The following GTF2IRD2 variants were observed in gnomAD, a reference collection of about 807,000 sequenced individuals.
GTF2IRD2 encodes GTF2I repeat domain containing 2, also known as general transcription factor II-I repeat domain-containing protein 2A.
In GTF2IRD2, 8 loss-of-function variants were observed where a neutral mutation model predicts 49.2. The observed-to-expected ratio is 0.16, with a 90% CI of 0.10 to 0.29. The LOEUF (loss-of-function observed/expected upper bound fraction) is 0.29, where lower values mean the gene tolerates loss of function less well. Ranked by LOEUF, GTF2IRD2 falls within the 10% of genes least tolerant of loss-of-function variation. The probability of loss-of-function intolerance (pLI) is 1.00; values close to 1 mark genes in which losing one functional copy is unlikely to be tolerated. For synonymous variants in GTF2IRD2, 47 were observed against 289.7 expected, an observed-to-expected ratio of 0.16 and a Z score of 8.51; for missense variants, 130 against 725.7, an observed-to-expected ratio of 0.18 and a Z score of 9.43.
Position 74,839,828 on chromosome 7 carries a change from A to AC in GTF2IRD2, c.-5-3446dup, listed in dbSNP as rs781922378. On this transcript the variant is annotated intron_variant, in intron 1 of 15. Transcript: ENST00000451013. Reference sequence around the variant, plus strand: ...AGACCAGCCTGGCCAACATGGTGAGACCCCCCCCTTCTCTACTAAAAATTA... The same window carrying AC: ...AGACCAGCCTGGCCAACATGGTGAGACCCCCCCCCTTCTCTACTAAAAATTA... Among the ~76,000 whole-genome samples, 166 of 75,852 alleles carry AC rather than the reference A, an allele frequency of 2.2e-3. 2 individuals are homozygous for AC. Among genetic ancestry groups the AC allele is most frequent in the Non-Finnish European group, 2.5e-3 (104 of 41,608 alleles). The allele number at this position is 75,852 out of a possible 152,430, so 49.8% of individuals were successfully genotyped here.
chr7:74,823,184 TTTTG>T (rs1318326355), intron 4 of GTF2IRD2, among the ~76,000 whole-genome samples: 1 of 35,034 alleles, frequency 2.9e-5, no homozygotes. Flanking sequence ...GCCTAGTTTT[TTTTG>T]TTTTTGTTTT....
Position 74,828,720 on chromosome 7 carries a change from C to T in GTF2IRD2, c.239-3668G>A, listed in dbSNP as rs1160583162. On this transcript the variant is annotated intron_variant, in intron 3 of 15. Coordinates refer to ENST00000451013, the MANE Select transcript of GTF2IRD2 (RefSeq NM_173537.5). The stretch of plus-strand genomic sequence containing the variant: ...ATGGCAAAGATGCCCTCTCTCCCCA[C>T]TTCTGTTCAACACAGTTTTGGAAGT... 7.6e-5 allele frequency among the ~76,000 whole-genome samples: 5 copies of T among 65,546 alleles called. 2 individuals are homozygous for T. The highest frequency in any genetic ancestry group is 1.8e-4 in the Non-Finnish European group (5 of 28,416). 43.0% of individuals were successfully genotyped at this position (65,546 alleles called of 152,430 possible).
At chr7:74,831,504 T>TACACACACAC (rs4029807) in intron 3 of GTF2IRD2, among the ~76,000 whole-genome samples, 2,884 of 119,092 alleles carry the variant, frequency 0.024, 28 homozygotes, top group African/African-American at 0.028. Flanking sequence ...TCTCTGTACA[T>TACACACACAC]ACACACACAC....
intron 1 of GTF2IRD2, among the ~76,000 whole-genome samples, chr7:74,839,927 A>C (rs1554421527): frequency 5.2e-5 from 5 of 96,570 alleles, no homozygotes. Context: ...TTGAACCCAG[A>C]AGGCGGAGGT....
Position 74,797,733 on chromosome 7 carries a change from G to A in GTF2IRD2, c.1779C>T (p.Asn593=), listed in dbSNP as rs782711179. ...TTTTCTCAACACGCGAAAAGATCTC[G>A]TTGCCAGATTTTGTACCCGTCATGG... is the stretch of plus-strand genomic sequence containing the variant. ...TVPMTGTKSG[N]EIFSRVEKSL... The change falls in exon 16 of 16, where the codon AAC becomes AAT. Residue 593 remains asparagine, a synonymous_variant. Coordinates refer to ENST00000451013, the MANE Select transcript of GTF2IRD2 (RefSeq NM_173537.5). 8 of 1,602,170 alleles carry A rather than the reference G, an allele frequency of 5.0e-6. No individual in the cohort carries two copies. Among genetic ancestry groups the A allele is most frequent in the East Asian group, 2.2e-5 (1 of 44,478 alleles).
chr7:74,836,893 T>C (rs1376434176), intron 1 of GTF2IRD2, among the ~76,000 whole-genome samples: 201 of 137,178 alleles, frequency 1.5e-3, no homozygotes, highest in Middle Eastern at 3.5e-3. Context: ...TTCTTTCTTT[T>C]TTTTTTGAGA....
intron 3 of GTF2IRD2, among the ~76,000 whole-genome samples, chr7:74,831,714 A>G (rs1386660638): frequency 3.3e-5 from 3 of 91,174 alleles, no homozygotes; most frequent in East Asian, 3.7e-4. Context: ...GTCTCGCTCT[A>G]TGGTCCAGAC....
At chr7:74,845,566 C>T (rs1165034906) in intron 1 of GTF2IRD2, among the ~76,000 whole-genome samples, 3 of 151,486 alleles carry the variant, frequency 2.0e-5, no homozygotes, top group Non-Finnish European at 4.4e-5. Context: ...GCTGGGATTA[C>T]AGGTGTGAGC....
chr7:74,842,299 A>G (rs1800911665), intron 1 of GTF2IRD2, among the ~76,000 whole-genome samples: 1 of 130,106 alleles, frequency 7.7e-6, no homozygotes, highest in African/African-American at 3.2e-5. Context: ...GCACAATCAC[A>G]GTTCACTGCA....
chr7:74,806,522 G>C (rs2131650888), intron 12 of GTF2IRD2, among the ~76,000 whole-genome samples: 1 of 152,372 alleles, frequency 6.6e-6, no homozygotes, highest in South Asian at 2.1e-4. Flanking sequence ...GTGTTATCCA[G>C]GATGGTCTCG....
rs1367347810 is a variant in GTF2IRD2, at chr7:74,815,807, AAAG to A, written c.671-2994_671-2992del. ...GAAAGAAAGAAAGAAGGAAAGAAAG[AAAG>A]AAAGAAAGAAAGAAAGAAAGAAAGA... is the stretch of plus-strand genomic sequence containing the variant. On this transcript the variant is annotated intron_variant, in intron 8 of 15. Transcript: ENST00000451013. Among the ~76,000 whole-genome samples, 168 of 84,684 alleles carry A rather than the reference AAAG, an allele frequency of 2.0e-3. 3 individuals carry two copies. Among genetic ancestry groups the A allele is most frequent in the Middle Eastern group, 0.01 (2 of 196 alleles). The allele number at this position is 84,684 out of a possible 152,430, so 55.6% of individuals were successfully genotyped here. A position where few individuals can be genotyped will look rare whatever the true frequency, so the allele number is the denominator to read the frequency against.
At chr7:74,831,043 T>C (rs1333710703) in intron 3 of GTF2IRD2, among the ~76,000 whole-genome samples, 1 of 148,558 alleles carries the variant, frequency 6.7e-6, no homozygotes, top group Non-Finnish European at 1.5e-5. Context: ...GCATCTGACA[T>C]TAATGAATTG....
intron 6 of GTF2IRD2, 70 bp downstream of exon 6, chr7:74,822,357 C>A (rs1798982811): frequency 1.5e-6 from 1 of 664,944 alleles, no homozygotes; most frequent in South Asian, 1.7e-5. Context: ...GCCCCCAATT[C>A]AAGTTTTAAT....
chr7:74,818,695 C>T (rs1798659710), intron 8 of GTF2IRD2: 1 of 148,356 alleles, frequency 6.7e-6, no homozygotes, highest in South Asian at 2.1e-4. Context: ...AGCAATTTGC[C>T]TGCCTCGGCC....
chr7:74,826,207 T>G, intron 3 of GTF2IRD2, among the ~76,000 whole-genome samples: 1 of 151,032 alleles, frequency 6.6e-6, no homozygotes, highest in Non-Finnish European at 1.5e-5. Context: ...ACCCACCTCC[T>G]GCCTCCCACC....
chr7:74,837,756 C>CT (rs1250122528), intron 1 of GTF2IRD2, among the ~76,000 whole-genome samples: 309 of 2,664 alleles, frequency 0.12, 10 homozygotes, highest in East Asian at 0.25. Flanking sequence ...TGCACCCAGT[C>CT]TTTTTTTTTT....
chr7:74,813,889 A>G (rs1388359384), intron 8 of GTF2IRD2, among the ~76,000 whole-genome samples: 3 of 88,184 alleles, frequency 3.4e-5, no homozygotes, highest in African/African-American at 8.4e-5. Context: ...CTTACTCACT[A>G]TAATGGAATG....
rs1801587490 is a variant in GTF2IRD2 at position 74,851,554 on chromosome 7, C to G, written c.-193G>C. ...CTTTTTCTCTTTCTTTCTTTCCCCC[C>G]CTTTTCCCCCCTTTTTTTGTTTGCT... is the stretch of plus-strand genomic sequence containing the variant. On this transcript the variant is annotated 5_prime_UTR_variant, in exon 1 of 16. Coordinates refer to ENST00000451013, the MANE Select transcript of GTF2IRD2 (RefSeq NM_173537.5). 5 of 38,218 alleles carry G rather than the reference C, an allele frequency of 1.3e-4. 2 individuals are homozygous for G. The South Asian group carries it at 3.4e-3, about 26-fold the overall frequency. The allele number at this position is 38,218 out of a possible 1,614,324, so 2.4% of individuals were successfully genotyped here.
At chr7:74,806,335 A>T (rs1429843836) in intron 12 of GTF2IRD2, among the ~76,000 whole-genome samples, 1 of 131,750 alleles carries the variant, frequency 7.6e-6, no homozygotes, top group Non-Finnish European at 1.6e-5. Flanking sequence ...TTTGAGACAG[A>T]GTCTCGCTCT....
Sources: gnomAD v4.1 joint callset for allele counts (sites outside exome capture counted in the v4.1 genomes callset) on GRCh38, gnomAD v4.1.1 for gene constraint, MANE v1.5 for transcripts, NCBI Gene and HGNC (gene_info 2026-07-23, HGNC 2026-07-21) for gene names.